TUSC3: variants seen among roughly 807,000 people sequenced by gnomAD.
The protein encoded by TUSC3 is tumor suppressor candidate 3, also known as dolichyl-diphosphooligosaccharide--protein glycosyltransferase subunit TUSC3.
Under a neutral mutation model 44.8 loss-of-function variants are expected in TUSC3, and 45 were observed. That is an observed-to-expected ratio of 1.00 (90% CI 0.79 to 1.29). The LOEUF is 1.29. Among genes scored for constraint, TUSC3 ranks in the 50% most tolerant of loss-of-function variants. The pLI, the probability that TUSC3 is intolerant of heterozygous loss-of-function variation, is 0.00. For synonymous variants in TUSC3, 212 were observed against 152.9 expected (o/e 1.39, Z -2.85); for missense variants, 519 against 437.9 (o/e 1.19, Z -1.65).
At chr8:15,567,996 C>G (rs559341321) in intron 1 of TUSC3, among the ~76,000 whole-genome samples, 56 of 152,016 alleles carry the variant, frequency 3.7e-4, no homozygotes, top group Non-Finnish European at 6.5e-4. Context: ...GTTAACAACC[C>G]CCTTTTCTAT....
chr8:15,760,327 G>A (rs1482577210), intron 10 of TUSC3, among the ~76,000 whole-genome samples: 1 of 152,068 alleles, frequency 6.6e-6, no homozygotes, highest in Non-Finnish European at 1.5e-5. Flanking sequence ...TTTGTAAGCT[G>A]CTTATTTTTC....
intron 1 of TUSC3, among the ~76,000 whole-genome samples, chr8:15,418,768 G>T (rs1011547273): frequency 6.6e-6 from 1 of 152,186 alleles, no homozygotes; most frequent in Non-Finnish European, 1.5e-5. Context: ...CATTTTGGGA[G>T]GCCAAGGCAG....
At chr8:15,499,654 G>A (rs1473440245) in intron 2 of TUSC3, among the ~76,000 whole-genome samples, 2 of 152,158 alleles carry the variant, frequency 1.3e-5, no homozygotes, top group South Asian at 2.1e-4. Context: ...GGGGTGCTTA[G>A]ATATTTAGTT....
At chr8:15,480,984 A>G (rs145819554) in intron 1 of TUSC3, among the ~76,000 whole-genome samples, 1 of 152,184 alleles carries the variant, frequency 6.6e-6, no homozygotes, top group Admixed American at 6.5e-5. Flanking sequence ...AAGGTGGCTC[A>G]CGCCTGTAAT....
At chr8:15,807,712 G>A in the TUSC3 span, among the ~76,000 whole-genome samples, 1 of 152,158 alleles carries the variant, frequency 6.6e-6, no homozygotes, top group Non-Finnish European at 1.5e-5. Context: ...GTCCTTTGCA[G>A]CAATGTGGAT....
At chr8:15,751,250 TA>T (rs1357243947) in intron 9 of TUSC3, among the ~76,000 whole-genome samples, 1 of 151,502 alleles carries the variant, frequency 6.6e-6, no homozygotes, top group Admixed American at 6.6e-5. Flanking sequence ...GGAAGACAAT[TA>T]AAAAAAAACC....
the TUSC3 span, among the ~76,000 whole-genome samples, chr8:15,815,764 C>G: frequency 6.6e-6 from 1 of 152,122 alleles, no homozygotes; most frequent in South Asian, 2.1e-4. Flanking sequence ...AGATAAATTA[C>G]ATTTTAGTCC....
chr8:15,736,230 A>G (rs1673891851), intron 7 of TUSC3, among the ~76,000 whole-genome samples: 1 of 152,206 alleles, frequency 6.6e-6, no homozygotes, highest in Admixed American at 6.5e-5. Flanking sequence ...AGAGGAAGAC[A>G]CACAACAAAT....
intron 1 of TUSC3, among the ~76,000 whole-genome samples, chr8:15,445,123 C>A (rs1800076734): frequency 6.6e-6 from 1 of 152,112 alleles, no homozygotes; most frequent in Non-Finnish European, 1.5e-5. Context: ...ACTGCAAATA[C>A]ATGGGTAGAA....
At chr8:15,519,748 A>G (rs1231909228) in intron 2 of TUSC3, among the ~76,000 whole-genome samples, 1 of 152,182 alleles carries the variant, frequency 6.6e-6, no homozygotes, top group African/African-American at 2.4e-5. Flanking sequence ...GATTAAGGGG[A>G]CCACTGGATT....
intron 1 of TUSC3, among the ~76,000 whole-genome samples, chr8:15,595,324 C>G (rs1804021227): frequency 6.6e-6 from 1 of 152,014 alleles, no homozygotes; most frequent in Non-Finnish European, 1.5e-5. Flanking sequence ...TAAATCTTTC[C>G]TCTTTAGTAC....
chr8:15,821,690 C>G, the TUSC3 span, among the ~76,000 whole-genome samples: 2 of 152,002 alleles, frequency 1.3e-5, no homozygotes, highest in Non-Finnish European at 2.9e-5. Context: ...AGCCAGGTTC[C>G]TTCTCTAAGT....
In TUSC3 at chr8:15,703,941, G is replaced by T. The variant is rs931371909; in HGVS notation, c.799-26725G>T. ...TGTCTGCTCTATGCTGTCTTAAGCA[G>T]TCTGGCTTGGCGCACTGCAAAATAA... is the stretch of plus-strand genomic sequence containing the variant. On this transcript the variant is annotated intron_variant, in intron 6 of 10. Coordinates refer to ENST00000503731, the MANE Select transcript of TUSC3 (RefSeq NM_006765.4). Among the ~76,000 whole-genome samples the T allele has an allele frequency of 3.3e-5, 5 of 152,262 alleles. No individual in the cohort carries two copies. In the East Asian group the frequency reaches 7.7e-4, roughly 24 times the overall value.
At chr8:15,830,618 T>C in the TUSC3 span, among the ~76,000 whole-genome samples, 7 of 152,126 alleles carry the variant, frequency 4.6e-5, no homozygotes, top group Non-Finnish European at 7.4e-5. Flanking sequence ...GCAACACAGG[T>C]AGAGGTGGAG....
intron 1 of TUSC3, among the ~76,000 whole-genome samples, chr8:15,478,003 G>C (rs1272942801): frequency 6.6e-6 from 1 of 152,016 alleles, no homozygotes; most frequent in Non-Finnish European, 1.5e-5. Flanking sequence ...TGTTGCCCAG[G>C]CTAGAGTGCA....
the TUSC3 span, among the ~76,000 whole-genome samples, chr8:15,786,786 TA>T: frequency 3.4e-3 from 512 of 149,308 alleles, 8 homozygotes; most frequent in African/African-American, 0.011. Flanking sequence ...TGCTAAAAAT[TA>T]AAAAAAAATA....
chr8:15,441,543 T>C (rs963578534), intron 1 of TUSC3, among the ~76,000 whole-genome samples: 6 of 152,226 alleles, frequency 3.9e-5, no homozygotes, highest in African/African-American at 9.6e-5. Flanking sequence ...AAAGAAAATA[T>C]GCTCATAGAC....
At chr8:15,504,617 ATATATTTT>A (rs1203885287) in intron 2 of TUSC3, among the ~76,000 whole-genome samples, 56 of 17,254 alleles carry the variant, frequency 3.2e-3, no homozygotes, top group Non-Finnish European at 4.0e-3. Flanking sequence ...ATATATATAT[ATATATTTT>A]TTTTTTTTTT....
chr8:15,630,901 G>A (rs1454943866), intron 2 of TUSC3, among the ~76,000 whole-genome samples: 3 of 152,120 alleles, frequency 2.0e-5, no homozygotes, highest in African/African-American at 7.2e-5. Flanking sequence ...TTTAGAGTGT[G>A]AAATTAACAA....
Sources: gnomAD v4.1 joint callset for allele counts (sites outside exome capture counted in the v4.1 genomes callset) on GRCh38, gnomAD v4.1.1 for gene constraint, MANE v1.5 for transcripts, NCBI Gene and HGNC (gene_info 2026-07-23, HGNC 2026-07-21) for gene names.